ATP10D: variants seen among roughly 807,000 people sequenced by gnomAD.
ATP10D encodes the protein phospholipid-transporting ATPase VD.
A neutral mutation model predicts 144.8 loss-of-function variants in ATP10D; 89 were observed. The ratio of observed to expected loss-of-function variants is 0.61; its 90% CI spans 0.52 to 0.73. The LOEUF is 0.73. Ranked by LOEUF, ATP10D falls within the 30% of genes least tolerant of loss-of-function variation. The pLI, the probability that ATP10D is intolerant of heterozygous loss-of-function variation, is 0.00. For synonymous variants in ATP10D, 571 were observed against 615.1 expected, an observed-to-expected ratio of 0.93 and a Z score of 1.06; for missense variants, 1,603 against 1,714.8, an observed-to-expected ratio of 0.93 and a Z score of 1.15.
At chr4:47,525,025 A>G (rs1717168193) in intron 4 of ATP10D, among the ~76,000 whole-genome samples, 1 of 152,156 alleles carries the variant, frequency 6.6e-6, no homozygotes, top group Non-Finnish European at 1.5e-5. Flanking sequence ...CTACAAAGGC[A>G]CTTTGCTTAT....
In ATP10D at chr4:47,515,645, A is replaced by C; in HGVS notation, c.460A>C (p.Asn154His). The stretch of plus-strand genomic sequence containing the variant: ...ATACAAAATTGACAAACAGATCAAT[A>C]ATTTAATAACTAAAGTTTATAGTAG... ...RKYKIDKQINNLITKVYSRKE... is the reference protein window; with the variant it reads ...RKYKIDKQINHLITKVYSRKE... The change falls in exon 3 of 23, where the codon AAT becomes CAT. Residue 154 changes from asparagine to histidine, a missense_variant. Physicochemically the swap from Asn to His is moderately conservative, Grantham distance 68. Coordinates refer to ENST00000273859, the MANE Select transcript of ATP10D (RefSeq NM_020453.4). 2 of 1,608,324 alleles carry C rather than the reference A, an allele frequency of 1.2e-6. No individual in the cohort carries two copies. The highest frequency in any genetic ancestry group is 1.7e-6 in the Non-Finnish European group (2 of 1,174,812).
intron 18 of ATP10D, among the ~76,000 whole-genome samples, chr4:47,576,075 G>C (rs1186998492): frequency 6.6e-6 from 1 of 150,782 alleles, no homozygotes; most frequent in African/African-American, 2.4e-5. Flanking sequence ...GGGACTACAG[G>C]CGCCCGCCAC....
intron 10 of ATP10D, among the ~76,000 whole-genome samples, chr4:47,550,835 G>A (rs888284688): frequency 4.3e-4 from 66 of 152,258 alleles, no homozygotes; most frequent in African/African-American, 1.5e-3. Flanking sequence ...GGAAGTCAGC[G>A]GCGGGTCTGC....
intron 11 of ATP10D, among the ~76,000 whole-genome samples, chr4:47,557,164 T>C (rs1406899977): frequency 6.6e-6 from 1 of 152,086 alleles, no homozygotes; most frequent in Non-Finnish European, 1.5e-5. Context: ...TTAAATATTA[T>C]ATAACATTTC....
chr4:47,489,020 A>G (rs577637948), intron 1 of ATP10D, among the ~76,000 whole-genome samples: 1 of 152,356 alleles, frequency 6.6e-6, no homozygotes, highest in East Asian at 1.9e-4. Context: ...ATTGTTTACA[A>G]ATCACCTAGT....
chr4:47,487,183 C>T (rs1246396843), intron 1 of ATP10D, among the ~76,000 whole-genome samples: 6 of 139,250 alleles, frequency 4.3e-5, no homozygotes, highest in African/African-American at 1.6e-4. Context: ...GAGTCGAGAT[C>T]GGGCCATTGC....
intron 1 of ATP10D, among the ~76,000 whole-genome samples, chr4:47,510,987 T>C (rs1466127462): frequency 9.2e-5 from 14 of 152,226 alleles, no homozygotes; most frequent in Non-Finnish European, 1.0e-4. Flanking sequence ...TTCAGTATTT[T>C]CTGTTATCTA....
At chr4:47,497,974 A>G (rs1013133984) in intron 1 of ATP10D, among the ~76,000 whole-genome samples, 1 of 152,248 alleles carries the variant, frequency 6.6e-6, no homozygotes, top group African/African-American at 2.4e-5. Context: ...CAAACAATTC[A>G]TATGTATTCT....
chr4:47,486,643 A>G (rs1000426369), intron 1 of ATP10D, among the ~76,000 whole-genome samples: 1 of 152,234 alleles, frequency 6.6e-6, no homozygotes, highest in Admixed American at 6.5e-5. Flanking sequence ...TCAAAAAGTA[A>G]TAACTGCTTC....
intron 11 of ATP10D, among the ~76,000 whole-genome samples, chr4:47,555,763 T>C (rs965933591): frequency 2.0e-5 from 3 of 152,092 alleles, no homozygotes; most frequent in African/African-American, 7.2e-5. Flanking sequence ...TCTTCCTTTT[T>C]TTTTTTCTTG....
intron 4 of ATP10D, among the ~76,000 whole-genome samples, chr4:47,525,316 G>T (rs1028928206): frequency 2.0e-5 from 3 of 151,896 alleles, no homozygotes; most frequent in Non-Finnish European, 4.4e-5. Flanking sequence ...TGTGGATTTC[G>T]GTAAATGACT....
At chr4:47,546,903 T>C (rs200494688) in intron 10 of ATP10D, 41 bp downstream of exon 10, 1 of 1,552,242 alleles carries the variant, frequency 6.4e-7, no homozygotes. Context: ...ACATCCACAA[T>C]GTATGATGAG....
In ATP10D at chr4:47,504,291, G is replaced by A. The variant is rs559194027; in HGVS notation, c.-37-8213G>A. Among the ~76,000 whole-genome samples, 18 of 151,908 alleles carry A rather than the reference G, an allele frequency of 1.2e-4. No individual in the cohort carries two copies. In the South Asian group the frequency reaches 3.5e-3, roughly 30 times the overall value. Reference sequence around the variant, plus strand: ...TGAGGTGAAGAAAAACCTTTTTTTTGTAGATAGAGGATAGTAGTTACCAAG... The same window carrying A: ...TGAGGTGAAGAAAAACCTTTTTTTTATAGATAGAGGATAGTAGTTACCAAG... On this transcript the variant is annotated intron_variant, in intron 1 of 22. Transcript: ENST00000273859.
At chr4:47,558,335 C>A (rs1719106043) in intron 12 of ATP10D, 62 bp downstream of exon 12, 1 of 1,547,854 alleles carries the variant, frequency 6.5e-7, no homozygotes, top group Non-Finnish European at 8.7e-7. Flanking sequence ...AAAGACCATA[C>A]TTGATGGCTT....
At chr4:47,581,900 G>A in intron 20 of ATP10D, 60 bp from the exon 21 acceptor site, 1 of 1,332,014 alleles carries the variant, frequency 7.5e-7, no homozygotes, top group Middle Eastern at 1.8e-4. Context: ...TAGATAAAGT[G>A]ATGTTACCCA....
At chr4:47,588,783 A>G (rs895863952) in intron 22 of ATP10D, among the ~76,000 whole-genome samples, 1 of 152,244 alleles carries the variant, frequency 6.6e-6, no homozygotes, top group African/African-American at 2.4e-5. Context: ...AAAACTGACA[A>G]GATGAACTTA....
At chr4:47,567,946 AAACTT>A (rs1420404595) in intron 15 of ATP10D, among the ~76,000 whole-genome samples, 4 of 152,252 alleles carry the variant, frequency 2.6e-5, no homozygotes, top group African/African-American at 9.6e-5. Context: ...TGTATAAACT[AAACTT>A]AAATTCACTG....
chr4:47,516,794 C>G (rs1443536413), intron 3 of ATP10D, among the ~76,000 whole-genome samples: 2 of 148,786 alleles, frequency 1.3e-5, no homozygotes, highest in African/African-American at 4.9e-5. Flanking sequence ...CTAAACGAAA[C>G]CAGAAAAACA....
rs528064748 is a variant in ATP10D at position 47,564,109 on chromosome 4, C to G, written c.2853+344C>G. Among the ~76,000 whole-genome samples, 3 of 152,282 alleles carry G rather than the reference C, an allele frequency of 2.0e-5. No homozygotes were observed. The South Asian group carries it at 6.2e-4, about 32-fold the overall frequency. ...GTTTCACCTTGTTGGCCAGGCTGAT[C>G]TTGAACTCTTGACCTCAAGTGATCC... On this transcript the variant is annotated intron_variant, in intron 15 of 22. Transcript: ENST00000273859.
Sources: allele counts gnomAD v4.1 joint callset (sites outside exome capture counted in the v4.1 genomes callset), GRCh38; gene constraint gnomAD v4.1.1; transcripts MANE v1.5; gene names NCBI Gene and HGNC (gene_info 2026-07-23, HGNC 2026-07-21).